Variants in WDR76 observed in about 807,000 individuals in gnomAD.
The protein encoded by WDR76 is WD repeat-containing protein 76.
In WDR76, 52 loss-of-function variants were observed where a neutral mutation model predicts 70.2. The ratio of observed to expected loss-of-function variants is 0.74; its 90% CI spans 0.59 to 0.93. The LOEUF (loss-of-function observed/expected upper bound fraction) is 0.93, where lower values mean the gene tolerates loss of function less well. Ranked by LOEUF, WDR76 falls within the 40% of genes least tolerant of loss-of-function variation. The pLI is 0.00. For missense variants in WDR76, 756 were observed against 760.2 expected (o/e 0.99, Z 0.07); for synonymous variants, 292 against 271.1 (o/e 1.08, Z -0.76).
chr15:43,847,540 C>A (rs752106716), intron 8 of WDR76, among the ~76,000 whole-genome samples: 2 of 152,220 alleles, frequency 1.3e-5, no homozygotes, highest in Non-Finnish European at 2.9e-5. Flanking sequence ...TCTGCCTCAG[C>A]CTCCCAAGTG....
At chr15:43,836,353 G>A (rs1357367696) in intron 4 of WDR76, 137 bp downstream of exon 4, 2 of 568,244 alleles carry the variant, frequency 3.5e-6, no homozygotes, top group South Asian at 9.6e-5. Context: ...GGATCTCTGA[G>A]GGAATGCTAC....
intron 10 of WDR76, chr15:43,857,674 A>G (rs756567743): frequency 4.1e-6 from 1 of 241,386 alleles, no homozygotes; most frequent in South Asian, 1.5e-4. Context: ...ACAAAAACTA[A>G]CCAGGTGTGG....
intron 4 of WDR76, 33 bp from the exon 5 acceptor site, chr15:43,839,572 G>A: frequency 1.3e-6 from 2 of 1,579,806 alleles, no homozygotes; most frequent in Non-Finnish European, 1.7e-6. Flanking sequence ...ATTGTTTTGT[G>A]AGTATAACAT....
intron 8 of WDR76, among the ~76,000 whole-genome samples, chr15:43,849,376 ATTATT>A (rs1029419358): frequency 6.6e-6 from 1 of 152,140 alleles, no homozygotes; most frequent in African/African-American, 2.4e-5. Context: ...ATTTTCTTAT[ATTATT>A]TTGACAGATT....
intron 11 of WDR76, among the ~76,000 whole-genome samples, chr15:43,859,171 G>A (rs1470053058): frequency 6.6e-6 from 1 of 152,216 alleles, no homozygotes; most frequent in Non-Finnish European, 1.5e-5. Flanking sequence ...TATTCTGCAA[G>A]TGAAGTGCTG....
chr15:43,837,460 A>ACAAAATTC (rs1047342782), intron 4 of WDR76, among the ~76,000 whole-genome samples: 7 of 152,170 alleles, frequency 4.6e-5, no homozygotes, highest in Non-Finnish European at 8.8e-5. Flanking sequence ...TTCCTAAATC[A>ACAAAATTC]CAAAATTCTA....
At chr15:43,864,482 A>G (rs1196747738) in intron 12 of WDR76, among the ~76,000 whole-genome samples, 1 of 151,980 alleles carries the variant, frequency 6.6e-6, no homozygotes, top group African/African-American at 2.4e-5. Context: ...TTGTGGTTTT[A>G]CCTTGCATTT....
intron 4 of WDR76, 30 bp downstream of exon 4, chr15:43,836,246 C>T: frequency 1.3e-6 from 2 of 1,591,502 alleles, no homozygotes; most frequent in East Asian, 2.2e-5. Flanking sequence ...ATGCCTGAAC[C>T]ATGATACATT....
chr15:43,862,189 C>T (rs1198203596), intron 12 of WDR76, among the ~76,000 whole-genome samples: 2 of 150,410 alleles, frequency 1.3e-5, no homozygotes, highest in African/African-American at 2.5e-5. Flanking sequence ...CCTTGATATT[C>T]CTCTTTGTCA....
At chr15:43,839,434 G>A (rs2087695572) in intron 4 of WDR76, among the ~76,000 whole-genome samples, 171 bp from the exon 5 acceptor site, 1 of 151,868 alleles carries the variant, frequency 6.6e-6, no homozygotes, top group Non-Finnish European at 1.5e-5. Flanking sequence ...TGAACATTTA[G>A]GTTTGTTTTT....
Position 43,835,055 on chromosome 15 carries a change from T to C in WDR76, c.463-6T>C, listed in dbSNP as rs1385300115. 1.2e-6 allele frequency: 2 copies of C among 1,613,174 alleles called. No individual in the cohort carries two copies. The highest frequency in any genetic ancestry group is 1.7e-6 in the Non-Finnish European group (2 of 1,179,296). On this transcript the variant is annotated splice_region_variant and splice_polypyrimidine_tract_variant and intron_variant, in intron 2 of 12. Coordinates refer to ENST00000263795, the MANE Select transcript of WDR76 (RefSeq NM_024908.4). Reference sequence around the variant, plus strand: ...GTAATGGAATCTTTTTGGTGTAATTTTATAGGATTTTTCGGGATTGTCACC... The same window carrying C: ...GTAATGGAATCTTTTTGGTGTAATTCTATAGGATTTTTCGGGATTGTCACC...
At chr15:43,860,775 G>C (rs2087985981) in intron 11 of WDR76, among the ~76,000 whole-genome samples, 1 of 151,970 alleles carries the variant, frequency 6.6e-6, no homozygotes, top group Non-Finnish European at 1.5e-5. Context: ...TCAAAGTGCT[G>C]AGATTACAGG....
chr15:43,852,290 T>A (rs969794736), intron 9 of WDR76, among the ~76,000 whole-genome samples: 1 of 152,014 alleles, frequency 6.6e-6, no homozygotes, highest in Non-Finnish European at 1.5e-5. Context: ...TTCAAGCAAT[T>A]CTTCTGCCTC....
At chr15:43,835,486 C>G in intron 3 of WDR76, among the ~76,000 whole-genome samples, 1 of 32,768 alleles carries the variant, frequency 3.1e-5, no homozygotes, top group Middle Eastern at 0.015. Flanking sequence ...CAGACCCTGT[C>G]TCAAAACAGC....
chr15:43,861,692 TA>T (rs1367806668), intron 12 of WDR76, among the ~76,000 whole-genome samples: 1 of 152,206 alleles, frequency 6.6e-6, no homozygotes, highest in African/African-American at 2.4e-5. Flanking sequence ...AAGAAGACTG[TA>T]ACTACTCACT....
In WDR76 at chr15:43,846,322, G is replaced by T. The variant is rs993349410; in HGVS notation, c.1032+2268G>T. On this transcript the variant is annotated intron_variant, in intron 8 of 12. Transcript: ENST00000263795. Reference sequence around the variant, plus strand: ...CGCCCCTGAGATACGGTCCCACTCTGTTGCCCAGGCTGGAGTGCAGTGGCA... The same window carrying T: ...CGCCCCTGAGATACGGTCCCACTCTTTTGCCCAGGCTGGAGTGCAGTGGCA... Among the ~76,000 whole-genome samples the T allele has an allele frequency of 1.0e-4, 15 of 146,510 alleles. 1 individual carries two copies. The highest frequency in any genetic ancestry group is 8.9e-4 in the Admixed American group (13 of 14,682).
intron 4 of WDR76, among the ~76,000 whole-genome samples, chr15:43,838,259 C>T (rs535819210): frequency 6.6e-6 from 1 of 152,190 alleles, no homozygotes; most frequent in East Asian, 1.9e-4. Flanking sequence ...AATCTTGGCT[C>T]ACTGCAGCCT....
chr15:43,848,482 C>T (rs975250248), intron 8 of WDR76, among the ~76,000 whole-genome samples: 9 of 152,054 alleles, frequency 5.9e-5, no homozygotes, highest in Non-Finnish European at 1.3e-4. Context: ...TTCCTCTTTT[C>T]AATGAGGAAT....
chr15:43,831,960 G>A (rs2087595370), intron 2 of WDR76, among the ~76,000 whole-genome samples: 1 of 151,812 alleles, frequency 6.6e-6, no homozygotes, highest in South Asian at 2.1e-4. Flanking sequence ...TATTGGCCAG[G>A]CTGGTCTCAA....
Sources: allele counts gnomAD v4.1 joint callset (sites outside exome capture counted in the v4.1 genomes callset), GRCh38; gene constraint gnomAD v4.1.1; transcripts MANE v1.5; gene names NCBI Gene and HGNC (gene_info 2026-07-23, HGNC 2026-07-21).